Variants in SORT1 observed in about 807,000 individuals in gnomAD.
SORT1 encodes the protein sortilin.
SORT1 carries 39 observed loss-of-function variants against 101.7 expected under a neutral mutation model. The ratio of observed to expected loss-of-function variants is 0.38; its 90% CI spans 0.30 to 0.50. The LOEUF (loss-of-function observed/expected upper bound fraction) is 0.50, where lower values mean the gene tolerates loss of function less well. Ranked by LOEUF, SORT1 falls within the 20% of genes least tolerant of loss-of-function variation. The pLI, the probability that SORT1 is intolerant of heterozygous loss-of-function variation, is 0.90. For synonymous variants in SORT1, 396 were observed against 393.7 expected, an observed-to-expected ratio of 1.01 and a Z score of -0.07; for missense variants, 878 against 1,040.4, an observed-to-expected ratio of 0.84 and a Z score of 2.15.
At chr1:109,360,626 T>C (rs997180768) in intron 3 of SORT1, among the ~76,000 whole-genome samples, 2 of 151,786 alleles carry the variant, frequency 1.3e-5, no homozygotes, top group Non-Finnish European at 2.9e-5. Flanking sequence ...TATGAGCCAC[T>C]GCGCCTGGCC....
intron 15 of SORT1, among the ~76,000 whole-genome samples, chr1:109,320,007 C>T (rs989804124): frequency 6.6e-6 from 1 of 152,210 alleles, no homozygotes; most frequent in South Asian, 2.1e-4. Flanking sequence ...CTGTTGTGCC[C>T]CTGCCAACCT....
chr1:109,340,692 G>A, intron 10 of SORT1, 32 bp downstream of exon 10: 1 of 1,611,682 alleles, frequency 6.2e-7, no homozygotes, highest in Non-Finnish European at 8.5e-7. Flanking sequence ...GCAGCTGAAG[G>A]CACAGTACAC....
rs1279615315 is a variant in SORT1 at position 109,397,848 on chromosome 1, G to C, written c.45C>G (p.Pro15=). 1 of 1,292,518 alleles carries C rather than the reference G, an allele frequency of 7.7e-7. No individual in the cohort carries two copies. The highest frequency in any genetic ancestry group is 9.9e-7 in the Non-Finnish European group (1 of 1,009,218). 80.1% of individuals were successfully genotyped at this position (1,292,518 alleles called of 1,614,324 possible). The change falls in exon 1 of 20, where the codon CCC becomes CCG. Residue 15 remains proline (P), a synonymous_variant. Transcript: ENST00000256637. ...GGAGGAGGAGGAGGCCGAGGCCATG[G>C]GGCCAGCGCGAGAGGCCGTCCGCAG... is the stretch of plus-strand genomic sequence containing the variant. ...WGAADGLSRW[P]HGLGLLLLLQ...
In SORT1 at chr1:109,312,888, C is replaced by T. The variant is rs992193481; in HGVS notation, c.*1155G>A. 2 of 152,080 alleles carry T rather than the reference C, an allele frequency of 1.3e-5. No individual in the cohort carries two copies. Among genetic ancestry groups the T allele is most frequent in the Non-Finnish European group, 2.9e-5 (2 of 68,014 alleles). 9.4% of individuals were successfully genotyped at this position (152,080 alleles called of 1,614,324 possible). On this transcript the variant is annotated 3_prime_UTR_variant, in exon 20 of 20. Coordinates refer to ENST00000256637, the MANE Select transcript of SORT1 (RefSeq NM_002959.7). ...TTTCAATTGGTTCCTCCAAAATTTT[C>T]GTGTCAACAAATTACTTGGCAAAGT...
chr1:109,370,848 C>A (rs2101629348), intron 1 of SORT1, among the ~76,000 whole-genome samples: 1 of 152,304 alleles, frequency 6.6e-6, no homozygotes, highest in Non-Finnish European at 1.5e-5. Flanking sequence ...CACATCCTCC[C>A]CAAACCACAA....
intron 1 of SORT1, among the ~76,000 whole-genome samples, chr1:109,387,433 C>T (rs943112043): frequency 6.6e-6 from 1 of 152,126 alleles, no homozygotes; most frequent in East Asian, 1.9e-4. Flanking sequence ...TTCAAGGTTA[C>T]AACAAACCAT....
intron 1 of SORT1, among the ~76,000 whole-genome samples, chr1:109,395,349 T>G (rs1330017663): frequency 6.7e-6 from 1 of 150,238 alleles, no homozygotes; most frequent in Non-Finnish European, 1.5e-5. Context: ...GCCTCCAGAA[T>G]AACTGGAATT....
chr1:109,363,529 T>C (rs1158604929), intron 3 of SORT1, among the ~76,000 whole-genome samples: 1 of 152,038 alleles, frequency 6.6e-6, no homozygotes, highest in African/African-American at 2.4e-5. Context: ...ACATATAATC[T>C]CCCAAATCCT....
At chr1:109,383,503 A>G (rs1652386997) in intron 1 of SORT1, among the ~76,000 whole-genome samples, 1 of 152,262 alleles carries the variant, frequency 6.6e-6, no homozygotes, top group Non-Finnish European at 1.5e-5. Context: ...CGTTAAGCCT[A>G]GCTCAGTAAC....
intron 10 of SORT1, 23 bp downstream of exon 10, chr1:109,340,701 A>G (rs1444309216): frequency 1.2e-6 from 2 of 1,613,414 alleles, no homozygotes; most frequent in Non-Finnish European, 1.7e-6. Flanking sequence ...GGCACAGTAC[A>G]CCACTGCGAT....
intron 10 of SORT1, among the ~76,000 whole-genome samples, chr1:109,340,146 C>CAAAAAAAAAAAAAAAAAAA (rs34790280): frequency 1.0e-5 from 1 of 96,298 alleles, no homozygotes; most frequent in African/African-American, 4.1e-5. Flanking sequence ...GATTCCATCT[C>CAAAAAAAAAAAAAAAAAAA]AAAAAAAAAA....
At chr1:109,349,710 T>G (rs1318091437) in intron 6 of SORT1, among the ~76,000 whole-genome samples, 1 of 152,212 alleles carries the variant, frequency 6.6e-6, no homozygotes, top group Non-Finnish European at 1.5e-5. Context: ...AGGTCAAGGC[T>G]GTGGTAAGCC....
At chr1:109,380,013 C>G (rs1367362791) in intron 1 of SORT1, among the ~76,000 whole-genome samples, 1 of 152,138 alleles carries the variant, frequency 6.6e-6, no homozygotes, top group Non-Finnish European at 1.5e-5. Flanking sequence ...CAGTGGCTCA[C>G]CCCTGTAATC....
chr1:109,382,007 CAATTGGCAGA>C lies in SORT1; in HGVS notation c.307-12428_307-12419del, dbSNP rs1327375480. Among the ~76,000 whole-genome samples the C allele has an allele frequency of 2.0e-5, 3 of 151,806 alleles. No homozygotes were observed. The East Asian group carries it at 5.8e-4, about 29-fold the overall frequency. ...GCATAAATTACTCTCATCCCACCTC[CAATTGGCAGA>C]AATCATTTTAAAAATAAAACTATAT... On this transcript the variant is annotated intron_variant, in intron 1 of 19. Coordinates refer to ENST00000256637, the MANE Select transcript of SORT1 (RefSeq NM_002959.7).
chr1:109,351,965 G>GGGGTGTGTGTGTGTGTGTGTGTGTGT (rs932648162), intron 5 of SORT1, among the ~76,000 whole-genome samples: 16 of 147,412 alleles, frequency 1.1e-4, no homozygotes, highest in African/African-American at 4.0e-4. Flanking sequence ...GAGAGGTAGG[G>GGGGTGTGTGTGTGTGTGTGTGTGTGT]GTGTGTGTGT....
At chr1:109,362,442 C>T (rs1267595624) in intron 3 of SORT1, among the ~76,000 whole-genome samples, 2 of 152,102 alleles carry the variant, frequency 1.3e-5, no homozygotes, top group Admixed American at 6.6e-5. Flanking sequence ...AATCATGGAC[C>T]TGAAACTACT....
At chr1:109,350,665 C>T (rs1290844708) in intron 6 of SORT1, among the ~76,000 whole-genome samples, 1 of 151,966 alleles carries the variant, frequency 6.6e-6, no homozygotes, top group Admixed American at 6.6e-5. Flanking sequence ...GAGAATGAAC[C>T]CTGGGCAGGC....
chr1:109,362,137 T>A (rs1385752852), intron 3 of SORT1, among the ~76,000 whole-genome samples: 1 of 152,208 alleles, frequency 6.6e-6, no homozygotes, highest in Non-Finnish European at 1.5e-5. Context: ...CTATTGGCCA[T>A]GAATTCAGTG....
chr1:109,330,521 A>G (rs918834926), intron 11 of SORT1, among the ~76,000 whole-genome samples: 1 of 152,236 alleles, frequency 6.6e-6, no homozygotes, highest in African/African-American at 2.4e-5. Context: ...AAATGTCTAC[A>G]TTAAGAAAAA....
Sources: gnomAD v4.1 joint callset for allele counts (sites outside exome capture counted in the v4.1 genomes callset) on GRCh38, gnomAD v4.1.1 for gene constraint, MANE v1.5 for transcripts, NCBI Gene and HGNC (gene_info 2026-07-23, HGNC 2026-07-21) for gene names.